The following RAB27B variants were observed in gnomAD, a reference collection of about 807,000 sequenced individuals.
RAB27B encodes ras-related protein Rab-27B.
A neutral mutation model predicts 24.6 loss-of-function variants in RAB27B; 15 were observed. That is an observed-to-expected ratio of 0.61 (90% confidence interval 0.41 to 0.94). RAB27B has a LOEUF of 0.94. Among genes scored for constraint, RAB27B ranks in the 40% least tolerant of loss-of-function variants. The pLI, the probability that RAB27B is intolerant of heterozygous loss-of-function variation, is 0.00. For missense variants in RAB27B, 261 were observed against 266.8 expected, an observed-to-expected ratio of 0.98 and a Z score of 0.15; for synonymous variants, 105 against 92.5, an observed-to-expected ratio of 1.14 and a Z score of -0.78.
chr18:54,850,232 A>G (rs1159542387), intron 1 of RAB27B, among the ~76,000 whole-genome samples: 2 of 150,854 alleles, frequency 1.3e-5, no homozygotes, highest in African/African-American at 4.9e-5. Flanking sequence ...TCTAAATATA[A>G]TTATATTTGC....
intron 2 of RAB27B, among the ~76,000 whole-genome samples, chr18:54,732,275 G>A (rs1365735973): frequency 1.3e-5 from 2 of 152,190 alleles, no homozygotes; most frequent in African/African-American, 2.4e-5. Flanking sequence ...AAGATTTGGT[G>A]TATTCCAGGT....
rs117411249 is a variant in RAB27B at position 54,738,289 on chromosome 18, G to T, written c.-20+20148G>T. On this transcript the variant is annotated intron_variant, in intron 2 of 4. Coordinates refer to the RAB27B transcript ENST00000586570. Reference sequence around the variant, plus strand: ...TTGTTGATCACCCATTGATATGGTTGGGCTCCGTGTCCCCACCCAAATCTC... The same window carrying T: ...TTGTTGATCACCCATTGATATGGTTTGGCTCCGTGTCCCCACCCAAATCTC... 5.0e-4 allele frequency among the ~76,000 whole-genome samples: 76 copies of T among 152,244 alleles called. No homozygotes were observed. In the East Asian group the frequency reaches 0.013, roughly 27 times the overall value.
chr18:54,814,365 T>C (rs1368747195), intron 2 of RAB27B, among the ~76,000 whole-genome samples: 2 of 152,230 alleles, frequency 1.3e-5, no homozygotes, highest in African/African-American at 4.8e-5. Flanking sequence ...TGTTTGAACA[T>C]TAATGTGGAA....
rs760112150 is a variant in RAB27B at position 54,889,386 on chromosome 18, G to A, written c.630G>A (p.Lys210=). The stretch of plus-strand genomic sequence containing the variant: ...ATTCTGGAAACTTGGATGGGGAAAA[G>A]CCACCAGAGAAGAAATGTATCTGCT... ...GGNSGNLDGE[K]PPEKKCIC Residue 210 remains lysine (K), a synonymous_variant, in exon 6 of 6, where the codon AAG becomes AAA. Transcript: ENST00000262094. The A allele has an allele frequency of 2.7e-5, 43 of 1,612,856 alleles. 1 individual carries two copies. The Middle Eastern group carries it at 3.5e-3, about 130-fold the overall frequency.
intron 1 of RAB27B, among the ~76,000 whole-genome samples, chr18:54,864,825 G>A (rs1239657800): frequency 6.6e-6 from 1 of 152,078 alleles, no homozygotes; most frequent in African/African-American, 2.4e-5. Flanking sequence ...TTTTGAAATT[G>A]AAAAGTATAA....
intron 2 of RAB27B, among the ~76,000 whole-genome samples, chr18:54,763,864 T>C (rs12962378): frequency 0.15 from 23,344 of 152,098 alleles, 2,310 homozygotes; most frequent in East Asian, 0.33. Context: ...ATGAGAGATA[T>C]GATGGAGCCT....
chr18:54,853,029 G>C (rs949746160), intron 1 of RAB27B, among the ~76,000 whole-genome samples: 14 of 152,202 alleles, frequency 9.2e-5, no homozygotes, highest in Non-Finnish European at 2.9e-5. Context: ...CATAGGTTCA[G>C]GGAGGAGAGT....
rs561592723 is a variant in RAB27B at position 54,743,544 on chromosome 18, G to A, written c.-20+25403G>A. 5.3e-5 allele frequency among the ~76,000 whole-genome samples: 8 copies of A among 152,278 alleles called. No homozygotes were observed. The South Asian group carries it at 1.7e-3, about 32-fold the overall frequency. Reference sequence around the variant, plus strand: ...TAGGCAGAGTCCTGAGATCAGTGAGGGAATGAGCCATTCAGACAATAAATG... The same window carrying A: ...TAGGCAGAGTCCTGAGATCAGTGAGAGAATGAGCCATTCAGACAATAAATG... On this transcript the variant is annotated intron_variant, in intron 2 of 4. Transcript: ENST00000586570.
intron 1 of RAB27B, among the ~76,000 whole-genome samples, chr18:54,833,291 A>T (rs1179282692): frequency 1.5e-5 from 2 of 132,328 alleles, no homozygotes; most frequent in Non-Finnish European, 3.1e-5. Context: ...CAATGGCACG[A>T]TCTCAGCTCA....
chr18:54,814,251 C>T (rs1910055521), intron 2 of RAB27B, among the ~76,000 whole-genome samples: 2 of 152,196 alleles, frequency 1.3e-5, no homozygotes, highest in South Asian at 4.1e-4. Context: ...AGTTACTATT[C>T]ATCTTTGCCA....
At chr18:54,796,075 C>A (rs1909407340) in intron 2 of RAB27B, among the ~76,000 whole-genome samples, 1 of 152,154 alleles carries the variant, frequency 6.6e-6, no homozygotes, top group Non-Finnish European at 1.5e-5. Flanking sequence ...TTACTATAGA[C>A]TGGTGAAATG....
chr18:54,873,510 C>T (rs11875349), intron 1 of RAB27B, among the ~76,000 whole-genome samples: 34,949 of 152,086 alleles, frequency 0.23, 4,084 homozygotes, highest in South Asian at 0.32. Context: ...ACTTGTCAGC[C>T]TTTTGATCCT....
intron 2 of RAB27B, among the ~76,000 whole-genome samples, chr18:54,783,810 A>C (rs1183554894): frequency 6.6e-6 from 1 of 152,110 alleles, no homozygotes; most frequent in Non-Finnish European, 1.5e-5. Context: ...CATGGTGGAA[A>C]ATGAATGCCA....
intron 2 of RAB27B, among the ~76,000 whole-genome samples, chr18:54,769,399 A>C (rs1908469866): frequency 6.6e-6 from 1 of 151,376 alleles, no homozygotes; most frequent in African/African-American, 2.4e-5. Context: ...TTTCTTCACC[A>C]TTTCAATTTG....
chr18:54,769,797 A>G (rs922798032), intron 2 of RAB27B, among the ~76,000 whole-genome samples: 2 of 152,170 alleles, frequency 1.3e-5, no homozygotes, highest in Admixed American at 6.6e-5. Flanking sequence ...TTGGACCAAC[A>G]CTATTTACTT....
chr18:54,802,892 G>A (rs545514812), intron 2 of RAB27B, among the ~76,000 whole-genome samples: 1 of 152,344 alleles, frequency 6.6e-6, no homozygotes, highest in Admixed American at 6.5e-5. Context: ...TTTGTCGATG[G>A]TGAGTAATCA....
chr18:54,823,753 T>A (rs2145171151), upstream of RAB27B, among the ~76,000 whole-genome samples: 1 of 152,350 alleles, frequency 6.6e-6, no homozygotes, highest in East Asian at 1.9e-4. Context: ...TATTAAAGTA[T>A]ATGCAAATAC....
intron 1 of RAB27B, among the ~76,000 whole-genome samples, chr18:54,839,791 T>C (rs1385729414): frequency 6.6e-6 from 1 of 152,192 alleles, no homozygotes; most frequent in East Asian, 1.9e-4. Context: ...ACTTTAAAAT[T>C]ACCCTGTACA....
In RAB27B at chr18:54,890,646, A is replaced by G. The variant is rs1271507784; in HGVS notation, c.*1233A>G. On this transcript the variant is annotated 3_prime_UTR_variant, in exon 6 of 6. Transcript: ENST00000262094. ...GTCACTCTGAATTTTCATGTCATTAATCACATAAAAATTGATAATACCTCA... is the reference window on the plus strand; with the variant it reads ...GTCACTCTGAATTTTCATGTCATTAGTCACATAAAAATTGATAATACCTCA... 1 of 152,174 alleles carries G rather than the reference A, an allele frequency of 6.6e-6. No homozygotes were observed. Among genetic ancestry groups the G allele is most frequent in the African/African-American group, 2.4e-5 (1 of 41,454 alleles). 9.4% of individuals were successfully genotyped at this position (152,174 alleles called of 1,614,324 possible).
Sources: gnomAD v4.1 joint callset for allele counts (sites outside exome capture counted in the v4.1 genomes callset) on GRCh38, gnomAD v4.1.1 for gene constraint, MANE v1.5 for transcripts, NCBI Gene and HGNC (gene_info 2026-07-23, HGNC 2026-07-21) for gene names.